PLCE1: variants seen among roughly 807,000 people sequenced by gnomAD.
PLCE1 encodes 1-phosphatidylinositol 4,5-bisphosphate phosphodiesterase epsilon-1.
A neutral mutation model predicts 242.8 loss-of-function variants in PLCE1; 119 were observed. The ratio of observed to expected loss-of-function variants is 0.49; its 90% CI spans 0.42 to 0.57. The LOEUF (loss-of-function observed/expected upper bound fraction) is 0.57. Ranked by LOEUF, PLCE1 falls within the 20% of genes least tolerant of loss-of-function variation. The probability of loss-of-function intolerance (pLI) is 0.00; values close to 1 mark genes in which losing one functional copy is unlikely to be tolerated. For synonymous variants in PLCE1, 945 were observed against 1,017.4 expected (o/e 0.93, Z 1.35); for missense variants, 2,441 against 2,788.8 (o/e 0.88, Z 2.81).
chr10:94,071,879 A>G (rs541953932), intron 2 of PLCE1, among the ~76,000 whole-genome samples: 3 of 151,782 alleles, frequency 2.0e-5, no homozygotes, highest in Non-Finnish European at 4.4e-5. Flanking sequence ...CTCTCTTAGT[A>G]TTAACTCTTA....
intron 19 of PLCE1, among the ~76,000 whole-genome samples, chr10:94,277,595 G>A (rs1336675612): frequency 6.6e-6 from 1 of 152,022 alleles, no homozygotes; most frequent in Non-Finnish European, 1.5e-5. Flanking sequence ...CCTGCCAGTG[G>A]GGTCTGTCCA....
At chr10:94,156,692 T>C (rs1413627310) in intron 3 of PLCE1, among the ~76,000 whole-genome samples, 1 of 152,142 alleles carries the variant, frequency 6.6e-6, no homozygotes, top group Non-Finnish European at 1.5e-5. Context: ...TTCCCCTCCC[T>C]AGAGGATGGT....
chr10:94,277,938 A>G (rs1417366216), intron 19 of PLCE1, among the ~76,000 whole-genome samples: 1 of 152,170 alleles, frequency 6.6e-6, no homozygotes, highest in Non-Finnish European at 1.5e-5. Flanking sequence ...CCAGGCATTC[A>G]GTGTATCTTG....
intron 2 of PLCE1, among the ~76,000 whole-genome samples, chr10:94,053,515 T>C (rs981242101): frequency 5.3e-5 from 8 of 152,186 alleles, no homozygotes; most frequent in African/African-American, 1.7e-4. Flanking sequence ...CCCTCCTAGA[T>C]TGTAAGCCTG....
At chr10:94,026,295 A>G (rs1232215940) in intron 1 of PLCE1, among the ~76,000 whole-genome samples, 1 of 152,118 alleles carries the variant, frequency 6.6e-6, no homozygotes, top group Non-Finnish European at 1.5e-5. Context: ...TTCTTTAGTC[A>G]TATTACCTAT....
At chr10:94,125,415 CAG>C (rs1200924055) in intron 2 of PLCE1, among the ~76,000 whole-genome samples, 4 of 151,560 alleles carry the variant, frequency 2.6e-5, no homozygotes, top group African/African-American at 7.3e-5. Flanking sequence ...TTTTTTGAGA[CAG>C]AGTCTCGCTT....
intron 13 of PLCE1, among the ~76,000 whole-genome samples, chr10:94,260,615 ATATTTTAT>A (rs1335982307): frequency 3.3e-5 from 5 of 151,506 alleles, no homozygotes; most frequent in African/African-American, 9.7e-5. Context: ...TTGTTCTATT[ATATTTTAT>A]TATTTTATTA....
intron 2 of PLCE1, among the ~76,000 whole-genome samples, chr10:94,083,524 T>G (rs758388142): frequency 6.6e-5 from 10 of 152,188 alleles, no homozygotes; most frequent in Non-Finnish European, 1.3e-4. Flanking sequence ...CACACTAGCA[T>G]GTGATAGACC....
Position 94,273,687 on chromosome 10 carries a change from C to T in PLCE1, c.4632C>T (p.Ala1544=). The change falls in exon 19 of 33, where the codon GCC becomes GCT. Residue 1544 remains alanine, a synonymous_variant. Coordinates refer to ENST00000371380, the MANE Select transcript of PLCE1 (RefSeq NM_016341.4). ...KVLLKNKKLK[A]HQTPVDILKQ... is the part of the protein sequence containing the mutation. ...TTCTTAAAAACAAGAAGCTAAAAGC[C>T]CATCAGACGCCAGTGGATATCTTAA... 1 of 1,613,896 alleles carries T rather than the reference C, an allele frequency of 6.2e-7. No individual in the cohort carries two copies. The highest frequency in any genetic ancestry group is 8.5e-7 in the Non-Finnish European group (1 of 1,179,888).
intron 1 of PLCE1, among the ~76,000 whole-genome samples, chr10:94,018,258 G>A (rs1656484565): frequency 6.6e-6 from 1 of 152,168 alleles, no homozygotes; most frequent in African/African-American, 2.4e-5. Flanking sequence ...GTTCAAGGAA[G>A]CAGCTCAGGG....
intron 4 of PLCE1, 37 bp downstream of exon 4, chr10:94,171,533 C>T (rs1291289747): frequency 1.3e-6 from 2 of 1,510,732 alleles, no homozygotes; most frequent in Non-Finnish European, 1.8e-6. Flanking sequence ...GTATTTGACT[C>T]ACCCGTAAGT....
intron 22 of PLCE1, among the ~76,000 whole-genome samples, chr10:94,285,715 T>A (rs1014929897): frequency 2.6e-5 from 4 of 152,152 alleles, no homozygotes; most frequent in Non-Finnish European, 5.9e-5. Context: ...GGCCAGGAGA[T>A]GCAGTGCTCT....
chr10:94,321,136 G>T (rs2053784237), intron 29 of PLCE1, among the ~76,000 whole-genome samples: 1 of 152,144 alleles, frequency 6.6e-6, no homozygotes, highest in Non-Finnish European at 1.5e-5. Flanking sequence ...ATTCAGCCTT[G>T]TCACTGCAGT....
chr10:94,026,267 G>T (rs7921117), intron 1 of PLCE1, among the ~76,000 whole-genome samples: 142,441 of 152,204 alleles, frequency 0.94, 66,715 homozygotes, highest in South Asian at 0.98. Context: ...TCCATAGATC[G>T]ACTTCCTGGC....
intron 4 of PLCE1, among the ~76,000 whole-genome samples, chr10:94,213,148 T>G (rs1350680194): frequency 6.6e-6 from 1 of 152,184 alleles, no homozygotes; most frequent in African/African-American, 2.4e-5. Flanking sequence ...TTCAGGACAT[T>G]CACTGTTTAT....
chr10:94,241,329 C>A (rs2050497027), intron 7 of PLCE1, among the ~76,000 whole-genome samples: 1 of 152,172 alleles, frequency 6.6e-6, no homozygotes, highest in Admixed American at 6.5e-5. Flanking sequence ...TAACTCAGAA[C>A]TTAAATGGAA....
At chr10:94,220,840 G>A (rs1313838477) in intron 4 of PLCE1, among the ~76,000 whole-genome samples, 1 of 152,158 alleles carries the variant, frequency 6.6e-6, no homozygotes, top group African/African-American at 2.4e-5. Flanking sequence ...CAGTTAGATG[G>A]CTTGCCTCAG....
chr10:94,168,585 C>T (rs1357784899), intron 3 of PLCE1, among the ~76,000 whole-genome samples: 2 of 152,114 alleles, frequency 1.3e-5, no homozygotes, highest in African/African-American at 4.8e-5. Context: ...TTATTTGGGC[C>T]TCTCTTATTG....
At chr10:94,054,210 A>G (rs1002677937) in intron 2 of PLCE1, among the ~76,000 whole-genome samples, 4 of 152,220 alleles carry the variant, frequency 2.6e-5, no homozygotes, top group Non-Finnish European at 4.4e-5. Flanking sequence ...AAGAAAAGGT[A>G]CATAATGCGG....
Sources: allele counts gnomAD v4.1 joint callset (sites outside exome capture counted in the v4.1 genomes callset), GRCh38; gene constraint gnomAD v4.1.1; transcripts MANE v1.5; gene names NCBI Gene and HGNC (gene_info 2026-07-23, HGNC 2026-07-21).